Variants in GTPBP1 observed in about 807,000 individuals in gnomAD.
GTPBP1 encodes GTP binding protein 1.
A neutral mutation model predicts 62.0 loss-of-function variants in GTPBP1; 23 were observed. That is an observed-to-expected ratio of 0.37 (90% CI 0.27 to 0.53). The LOEUF (loss-of-function observed/expected upper bound fraction) is 0.53. Among genes scored for constraint, GTPBP1 ranks in the 20% least tolerant of loss-of-function variants. GTPBP1 has a pLI of 0.89. For synonymous variants in GTPBP1, 344 were observed against 364.4 expected (o/e 0.94, Z 0.64); for missense variants, 640 against 917.3 (o/e 0.70, Z 3.90).
At position 38,716,312 on chromosome 22, in the gene GTPBP1, G is replaced by T; in HGVS notation, c.485+225G>T. On this transcript the variant is annotated intron_variant, in intron 3 of 11. Coordinates refer to ENST00000216044, the MANE Select transcript of GTPBP1 (RefSeq NM_004286.5). This position sits in a 1 kb window ranked among gnomAD's most constrained non-coding sequence, Gnocchi z 5.2. The stretch of plus-strand genomic sequence containing the variant: ...TGCATTCTGTGGCCATTCTCTGTGG[G>T]TGTGTTTCTTTTCCCTTCAGCCTGT... 1.7e-6 allele frequency: 1 copy of T among 590,100 alleles called. No individual in the cohort carries two copies. Among genetic ancestry groups the T allele is most frequent in the South Asian group, 2.1e-5 (1 of 48,020 alleles). 36.6% of individuals were successfully genotyped at this position (590,100 alleles called of 1,614,324 possible). A position where few individuals can be genotyped will look rare whatever the true frequency, so the allele number is the denominator to read the frequency against.
rs763309200 is a variant in GTPBP1 at position 38,708,961 on chromosome 22, G to T, written c.304+5G>T. On this transcript the variant is annotated splice_donor_5th_base_variant and intron_variant, in intron 2 of 11. Coordinates refer to ENST00000216044, the MANE Select transcript of GTPBP1 (RefSeq NM_004286.5). ...ATGTCATTGGGCAGGGATCAGGTGA[G>T]CATAGTTTTCCTTTCACTTTATTTT... 1 of 1,504,016 alleles carries T rather than the reference G, an allele frequency of 6.6e-7. No homozygotes were observed. The highest frequency in any genetic ancestry group is 9.3e-7 in the Non-Finnish European group (1 of 1,079,252). The allele number at this position is 1,504,016 out of a possible 1,614,324, so 93.2% of individuals were successfully genotyped here.
chr22:38,727,236 G>A lies in GTPBP1; in HGVS notation c.1425G>A (p.Lys475=), dbSNP rs779222824. The A allele has an allele frequency of 1.3e-6, 2 of 1,596,330 alleles. No individual in the cohort carries two copies. Among genetic ancestry groups the A allele is most frequent in the Admixed American group, 3.5e-5 (2 of 57,720 alleles). ...LKKIKRSSIR[K]GMVMVSPRLN... is the part of the protein sequence containing the mutation. Reference sequence around the variant, plus strand: ...AGATCAAGCGCTCGTCCATCCGGAAGGGCATGGTGATGGTTTCCCCACGTT... The same window carrying A: ...AGATCAAGCGCTCGTCCATCCGGAAAGGCATGGTGATGGTTTCCCCACGTT... The change falls in exon 9 of 12, where the codon AAG becomes AAA. Residue 475 remains lysine (K), a synonymous_variant. Coordinates refer to ENST00000216044, the MANE Select transcript of GTPBP1 (RefSeq NM_004286.5). This position sits in a 1 kb window ranked among gnomAD's most constrained non-coding sequence, Gnocchi z 6.5.
chr22:38,739,179 C>T, downstream of GTPBP1: 1 of 925,220 alleles, frequency 1.1e-6, no homozygotes, highest in Non-Finnish European at 1.7e-6. This position sits in a 1 kb window ranked among gnomAD's most constrained non-coding sequence, Gnocchi z 6.7. Context: ...TACGTCCTGA[C>T]TTCCCTGAAT....
At chr22:38,720,879 G>A (rs2092696703) in intron 4 of GTPBP1, among the ~76,000 whole-genome samples, 3 of 152,286 alleles carry the variant, frequency 2.0e-5, no homozygotes, top group Admixed American at 2.0e-4. Context: ...GAAACTGAGG[G>A]CCAGTGATGT....
chr22:38,711,056 A>G (rs909911421), intron 2 of GTPBP1, among the ~76,000 whole-genome samples: 10 of 152,216 alleles, frequency 6.6e-5, no homozygotes, highest in African/African-American at 2.4e-4. Flanking sequence ...GAAAGAGATC[A>G]TAACTAGTTA....
At chr22:38,735,976 C>CTCTCCCAACTTCCCAG (rs1388343360), downstream of GTPBP1, 3 of 316,992 alleles carry the variant, frequency 9.5e-6, no homozygotes, top group African/African-American at 6.6e-5. Context: ...CAGGTCCTAC[C>CTCTCCCAACTTCCCAG]TCTCCCAACT....
chr22:38,724,008 C>A (rs773767230), intron 5 of GTPBP1, among the ~76,000 whole-genome samples: 1 of 152,036 alleles, frequency 6.6e-6, no homozygotes, highest in African/African-American at 2.4e-5. Context: ...CTTGGGGACC[C>A]TCAAGTCACA....
Position 38,716,901 on chromosome 22 carries a change from G to C in GTPBP1, c.735G>C (p.Thr245=), listed in dbSNP as rs755252334. 1 of 1,614,054 alleles carries C rather than the reference G, an allele frequency of 6.2e-7. No homozygotes were observed. Among genetic ancestry groups the C allele is most frequent in the East Asian group, 2.2e-5 (1 of 44,888 alleles). The change falls in exon 4 of 12, where the codon ACG becomes ACC. Residue 245 remains threonine (T), a synonymous_variant. Transcript: ENST00000216044. This position sits in a 1 kb window ranked among gnomAD's most constrained non-coding sequence, Gnocchi z 5.2. ...GGACCAAGATCTGTGAGAAGTCCAC[G>C]AAAGTCATTACCTTCATCGACTTGG... ...LEWTKICEKS[T]KVITFIDLAG... is the part of the protein sequence containing the mutation.
chr22:38,721,604 C>T (rs1036158253), intron 4 of GTPBP1, 138 bp from the exon 5 acceptor site: 21 of 643,038 alleles, frequency 3.3e-5, no homozygotes, highest in East Asian at 1.6e-4. Flanking sequence ...ATTTTGACGC[C>T]CCACATCATC....
chr22:38,719,446 C>G (rs553563633), intron 4 of GTPBP1, among the ~76,000 whole-genome samples: 1 of 152,050 alleles, frequency 6.6e-6, no homozygotes, highest in African/African-American at 2.4e-5. Context: ...TACCTAGGAC[C>G]ACAGGCGTGC....
At chr22:38,712,164 C>T (rs1273044034) in intron 2 of GTPBP1, among the ~76,000 whole-genome samples, 6 of 152,116 alleles carry the variant, frequency 3.9e-5, no homozygotes, top group Admixed American at 6.5e-5. Flanking sequence ...TGTGAGCCAC[C>T]GTGCCCGGCC....
downstream of GTPBP1, chr22:38,742,821 A>C: frequency 2.3e-6 from 1 of 441,566 alleles, no homozygotes; most frequent in Non-Finnish European, 4.1e-6. Flanking sequence ...CAGAGGAGGA[A>C]GGAAGGTGGG....
chr22:38,737,793 T>C, downstream of GTPBP1: 1 of 419,672 alleles, frequency 2.4e-6, no homozygotes, highest in East Asian at 6.5e-5. This position sits in a 1 kb window ranked among gnomAD's most constrained non-coding sequence, Gnocchi z 4.1. Flanking sequence ...CACTGAAGTT[T>C]AAGCCGCATG....
chr22:38,741,564 A>C, downstream of GTPBP1: 1 of 1,614,038 alleles, frequency 6.2e-7, no homozygotes, highest in East Asian at 2.2e-5. Flanking sequence ...CAGGGCAGAC[A>C]GTTCTTCCTG....
chr22:38,736,149 C>A, downstream of GTPBP1: 1 of 999,118 alleles, frequency 1.0e-6, no homozygotes, highest in South Asian at 1.3e-5. Flanking sequence ...CTGCATGGGG[C>A]CACAGGCTCC....
chr22:38,716,170 C>T lies in GTPBP1; in HGVS notation c.485+83C>T. ...GCCTGTGGCACTTGGCGTGTCAGCT[C>T]CATCCTTTCCCCTCCTGAGGCGGGG... On this transcript the variant is annotated intron_variant, in intron 3 of 11. Coordinates refer to ENST00000216044, the MANE Select transcript of GTPBP1 (RefSeq NM_004286.5). The surrounding 1 kb of genome is among the most constrained non-coding windows in gnomAD (Gnocchi z 5.2). 1 of 1,107,676 alleles carries T rather than the reference C, an allele frequency of 9.0e-7. No individual in the cohort carries two copies. The highest frequency in any genetic ancestry group is 1.4e-5 in the South Asian group (1 of 73,928). 68.6% of individuals were successfully genotyped at this position (1,107,676 alleles called of 1,614,324 possible).
In GTPBP1 at chr22:38,727,535, G is replaced by A. The variant is rs2092733384; in HGVS notation, c.1537+187G>A. 6.6e-6 allele frequency among the ~76,000 whole-genome samples: 1 copy of A among 152,182 alleles called. No homozygotes were observed. The highest frequency in any genetic ancestry group is 2.4e-5 in the African/African-American group (1 of 41,442). On this transcript the variant is annotated intron_variant, in intron 9 of 11. Transcript: ENST00000216044. The surrounding 1 kb of genome is among the most constrained non-coding windows in gnomAD (Gnocchi z 6.5). ...TTGATTCCTTCCCACAAACACTGAG[G>A]GCTGGGCTCTTGAGACCCAGACCTG...
chr22:38,710,468 A>G (rs1428830661), intron 2 of GTPBP1, among the ~76,000 whole-genome samples: 1 of 152,142 alleles, frequency 6.6e-6, no homozygotes, highest in African/African-American at 2.4e-5. Context: ...TTTCCTTCCC[A>G]TCCTTGCTGC....
At chr22:38,718,096 C>T (rs1321007103) in intron 4 of GTPBP1, among the ~76,000 whole-genome samples, 1 of 152,056 alleles carries the variant, frequency 6.6e-6, no homozygotes, top group Non-Finnish European at 1.5e-5. Flanking sequence ...AGGCTCTCTG[C>T]CTGAGGCTTT....
Sources: allele counts gnomAD v4.1 joint callset (sites outside exome capture counted in the v4.1 genomes callset), GRCh38; gene constraint gnomAD v4.1.1; non-coding constraint Gnocchi (gnomAD v3.1); transcripts MANE v1.5; gene names NCBI Gene and HGNC (gene_info 2026-07-23, HGNC 2026-07-21).